The following SHANK2 variants were observed in gnomAD, a reference collection of about 807,000 sequenced individuals.
SHANK2 encodes SH3 and multiple ankyrin repeat domains protein 2.
Under a neutral mutation model 133.7 loss-of-function variants are expected in SHANK2, and 43 were observed. The observed-to-expected ratio is 0.32, with a 90% CI of 0.25 to 0.41. The LOEUF (loss-of-function observed/expected upper bound fraction) is 0.41, where lower values mean the gene tolerates loss of function less well. Among genes scored for constraint, SHANK2 ranks in the 10% least tolerant of loss-of-function variants. The pLI is 1.00. For missense variants in SHANK2, 1,994 were observed against 2,235.8 expected (o/e 0.89, Z 2.18); for synonymous variants, 1,017 against 952.8 (o/e 1.07, Z -1.24).
intron 14 of SHANK2, among the ~76,000 whole-genome samples, chr11:70,713,241 C>T (rs1945832922): frequency 6.6e-6 from 1 of 152,204 alleles, no homozygotes; most frequent in African/African-American, 2.4e-5. Context: ...GTGTTTCCAT[C>T]CTCCAATAAA....
At chr11:70,691,415 C>T (rs1181086264) in intron 15 of SHANK2, among the ~76,000 whole-genome samples, 1 of 152,146 alleles carries the variant, frequency 6.6e-6, no homozygotes, top group Admixed American at 6.5e-5. Flanking sequence ...AAGAGCAGTA[C>T]TCCCTGGAGA....
At chr11:70,667,730 CA>C (rs1401271817) in intron 15 of SHANK2, 4 of 152,266 alleles carry the variant, frequency 2.6e-5, no homozygotes, top group Non-Finnish European at 5.9e-5. Flanking sequence ...CACAGGAAGC[CA>C]GGCCTGAGCT....
At chr11:70,840,736 C>T (rs185470619) in intron 11 of SHANK2, among the ~76,000 whole-genome samples, 9 of 152,274 alleles carry the variant, frequency 5.9e-5, no homozygotes, top group South Asian at 2.1e-4. Context: ...GGGGCCATAT[C>T]GGGAGGCTGG....
chr11:71,094,681 G>A lies in SHANK2; in HGVS notation c.600C>T (p.Pro200=), dbSNP rs1254061938. Residue 200 remains proline (P), a synonymous_variant, in exon 7 of 26, where the codon CCC becomes CCT. Coordinates refer to ENST00000601538, the MANE Select transcript of SHANK2 (RefSeq NM_012309.5). ...CGTCCAGCTGAGCGGCTAAGGTCAG[G>A]GGGGTCTCTGAGGAACCCAAACACA... is the stretch of plus-strand genomic sequence containing the variant. ...NFHDPETGET[P]LTLAAQLDDS... 2 of 1,551,650 alleles carry A rather than the reference G, an allele frequency of 1.3e-6. No homozygotes were observed. Among genetic ancestry groups the A allele is most frequent in the Non-Finnish European group, 1.7e-6 (2 of 1,146,854 alleles).
chr11:70,610,269 T>C (rs1591645981), intron 17 of SHANK2, among the ~76,000 whole-genome samples: 1 of 151,986 alleles, frequency 6.6e-6, no homozygotes, highest in Non-Finnish European at 1.5e-5. Flanking sequence ...TAAAATTCCA[T>C]CAGCATTGCC....
intron 14 of SHANK2, among the ~76,000 whole-genome samples, chr11:70,700,140 C>T (rs1305818038): frequency 4.6e-5 from 7 of 152,204 alleles, no homozygotes; most frequent in African/African-American, 1.7e-4. Context: ...AAGCTCCCAG[C>T]TGTCTCCACC....
chr11:71,221,204 CAA>C (rs782213118), intron 2 of SHANK2, among the ~76,000 whole-genome samples: 24 of 82,112 alleles, frequency 2.9e-4, no homozygotes, highest in East Asian at 6.9e-4. Context: ...GACTCCATCT[CAA>C]AAAAAAAAAA....
chr11:70,725,761 T>C (rs896865328), intron 14 of SHANK2, among the ~76,000 whole-genome samples: 5 of 152,302 alleles, frequency 3.3e-5, no homozygotes, highest in African/African-American at 1.2e-4. Context: ...TTATTCCCTG[T>C]CTTCATGGAT....
At chr11:71,089,700 G>A (rs1403005239) in intron 8 of SHANK2, among the ~76,000 whole-genome samples, 1 of 152,154 alleles carries the variant, frequency 6.6e-6, no homozygotes, top group Non-Finnish European at 1.5e-5. Context: ...GGCGAGCGTG[G>A]TCAGGCCAGG....
chr11:71,073,840 C>T (rs1214814857), intron 9 of SHANK2, among the ~76,000 whole-genome samples: 5 of 152,126 alleles, frequency 3.3e-5, no homozygotes, highest in Non-Finnish European at 2.9e-5. Flanking sequence ...GGGCTTTGTC[C>T]GCCACGTCCT....
chr11:70,854,966 C>T (rs1302776491), intron 11 of SHANK2, among the ~76,000 whole-genome samples: 3 of 152,196 alleles, frequency 2.0e-5, no homozygotes, highest in Non-Finnish European at 2.9e-5. Flanking sequence ...TCACCCACGA[C>T]TATCAGAAAC....
intron 10 of SHANK2, among the ~76,000 whole-genome samples, chr11:70,903,954 C>T (rs1178945437): frequency 6.6e-6 from 1 of 152,302 alleles, no homozygotes; most frequent in Non-Finnish European, 1.5e-5. Flanking sequence ...GCAGGTAAGG[C>T]CCATTCCAGG....
At chr11:70,738,488 C>G (rs1181946646) in intron 14 of SHANK2, among the ~76,000 whole-genome samples, 5 of 152,240 alleles carry the variant, frequency 3.3e-5, no homozygotes, top group African/African-American at 1.2e-4. Flanking sequence ...ATCACTGCCC[C>G]TCGTGTGCGG....
Position 70,801,212 on chromosome 11 carries a change from T to C in SHANK2, c.1664-2656A>G, listed in dbSNP as rs570976543. On this transcript the variant is annotated intron_variant, in intron 13 of 25. Transcript: ENST00000601538. ...TTCCATATTTAATCTCTATGAAGTA[T>C]GCACTTCAGGATGTGTTATTGTTAT... Among the ~76,000 whole-genome samples, 102 of 152,338 alleles carry C rather than the reference T, an allele frequency of 6.7e-4. 1 individual carries two copies. The highest frequency in any genetic ancestry group is 3.4e-3 in the Middle Eastern group (1 of 294).
At chr11:70,824,345 G>A (rs1948605048) in intron 11 of SHANK2, among the ~76,000 whole-genome samples, 1 of 152,118 alleles carries the variant, frequency 6.6e-6, no homozygotes, top group East Asian at 1.9e-4. Flanking sequence ...GTACATTGGG[G>A]AGGTCGCGGT....
At chr11:70,831,444 T>G (rs1434415297) in intron 11 of SHANK2, among the ~76,000 whole-genome samples, 1 of 152,062 alleles carries the variant, frequency 6.6e-6, no homozygotes, top group Non-Finnish European at 1.5e-5. Flanking sequence ...TCAGCCCAGT[T>G]CCAGTGCCTG....
In SHANK2 at chr11:71,229,682, C is replaced by T. The variant is rs145580510; in HGVS notation, c.-112-4886G>A. Among the ~76,000 whole-genome samples the T allele has an allele frequency of 2.7e-3, 407 of 149,852 alleles. 1 individual carries two copies. The highest frequency in any genetic ancestry group is 9.6e-3 in the African/African-American group (389 of 40,536). Reference sequence around the variant, plus strand: ...GGCTGAGGCAGGAGAATAGCCTGAACCAGGGAGTTGGAGGTTGCAGTGAGC... The same window carrying T: ...GGCTGAGGCAGGAGAATAGCCTGAATCAGGGAGTTGGAGGTTGCAGTGAGC... On this transcript the variant is annotated intron_variant, in intron 1 of 25. Coordinates refer to ENST00000601538, the MANE Select transcript of SHANK2 (RefSeq NM_012309.5).
intron 17 of SHANK2, among the ~76,000 whole-genome samples, chr11:70,537,057 G>A (rs1591550075): frequency 6.6e-6 from 1 of 152,204 alleles, no homozygotes; most frequent in Non-Finnish European, 1.5e-5. Context: ...GAGGGGTGGG[G>A]GCACGGTCTG....
chr11:70,910,310 C>T (rs978863554), intron 10 of SHANK2, among the ~76,000 whole-genome samples: 5 of 152,172 alleles, frequency 3.3e-5, no homozygotes, highest in Admixed American at 1.3e-4. Flanking sequence ...TAGGGTCCCC[C>T]GCAAACACCC....
Sources: gnomAD v4.1 joint callset for allele counts (sites outside exome capture counted in the v4.1 genomes callset) on GRCh38, gnomAD v4.1.1 for gene constraint, MANE v1.5 for transcripts, NCBI Gene and HGNC (gene_info 2026-07-23, HGNC 2026-07-21) for gene names.